DAB1: variants seen among roughly 807,000 people sequenced by gnomAD.
The protein encoded by DAB1 is disabled homolog 1.
DAB1 carries 15 observed loss-of-function variants against 64.6 expected under a neutral mutation model. That is an observed-to-expected ratio of 0.23 (90% CI 0.16 to 0.36). The LOEUF is 0.36. Among genes scored for constraint, DAB1 ranks in the 10% least tolerant of loss-of-function variants. The pLI is 1.00. For missense variants in DAB1, 596 were observed against 706.7 expected, an observed-to-expected ratio of 0.84 and a Z score of 1.78; for synonymous variants, 235 against 251.9, an observed-to-expected ratio of 0.93 and a Z score of 0.64.
intron 5 of DAB1, among the ~76,000 whole-genome samples, chr1:58,043,656 A>G (rs1334589288): frequency 6.6e-6 from 1 of 152,138 alleles, no homozygotes; most frequent in Non-Finnish European, 1.5e-5. Context: ...TTCTTTTCTC[A>G]TCTATAAAAT....
intron 3 of DAB1, among the ~76,000 whole-genome samples, chr1:58,458,007 T>C (rs572429591): frequency 6.6e-6 from 1 of 152,348 alleles, no homozygotes; most frequent in South Asian, 2.1e-4. Flanking sequence ...AGTAACTCAT[T>C]TATGTCAGGC....
intron 6 of DAB1, among the ~76,000 whole-genome samples, chr1:57,695,628 G>A (rs1241921812): frequency 3.3e-5 from 5 of 152,120 alleles, no homozygotes; most frequent in African/African-American, 4.8e-5. Flanking sequence ...AGCCGGGAGC[G>A]GTGGCTCACA....
chr1:57,141,849 A>T (rs1658615319), intron 3 of DAB1, among the ~76,000 whole-genome samples: 1 of 152,140 alleles, frequency 6.6e-6, no homozygotes, highest in African/African-American at 2.4e-5. Context: ...ACCTCAATAA[A>T]TTAAACGCAA....
intron 3 of DAB1, among the ~76,000 whole-genome samples, chr1:58,359,699 G>GAGAGTGATGATAGCAAGGGGTA (rs1273932228): frequency 5.3e-5 from 8 of 152,088 alleles, no homozygotes; most frequent in Non-Finnish European, 1.2e-4. Context: ...AGCAAGGGGT[G>GAGAGTGATGATAGCAAGGGGTA]AGAGTGATAA....
intron 1 of DAB1, chr1:57,862,372 A>G (rs1569869375): frequency 6.6e-6 from 1 of 152,198 alleles, no homozygotes; most frequent in East Asian, 1.9e-4. Flanking sequence ...GCTATGAAGT[A>G]TTTAAAGTTA....
At chr1:58,531,784 A>T (rs1646438555) in intron 1 of DAB1, among the ~76,000 whole-genome samples, 1 of 151,880 alleles carries the variant, frequency 6.6e-6, no homozygotes, top group African/African-American at 2.4e-5. Flanking sequence ...GTCTCGACTC[A>T]CTGCAACCTC....
At chr1:57,247,018 G>A (rs1318421799) in intron 2 of DAB1, among the ~76,000 whole-genome samples, 1 of 152,190 alleles carries the variant, frequency 6.6e-6, no homozygotes, top group African/African-American at 2.4e-5. Flanking sequence ...AGAAGGACTT[G>A]TCTTTTCTCA....
chr1:57,373,799 G>T (rs191419385), intron 1 of DAB1, among the ~76,000 whole-genome samples: 5 of 152,102 alleles, frequency 3.3e-5, no homozygotes, highest in Non-Finnish European at 5.9e-5. Flanking sequence ...GAACATAATC[G>T]CCGGGTTCTT....
intron 7 of DAB1, among the ~76,000 whole-genome samples, chr1:57,513,745 A>T (rs551031708): frequency 2.6e-5 from 4 of 152,188 alleles, no homozygotes; most frequent in Admixed American, 6.5e-5. Context: ...GTATGTTGTT[A>T]TTAACTACAG....
chr1:58,221,694 C>A (rs934861703), intron 4 of DAB1, among the ~76,000 whole-genome samples: 1 of 152,240 alleles, frequency 6.6e-6, no homozygotes, highest in East Asian at 1.9e-4. Context: ...CCGAAGGTCA[C>A]TGGCATAGTG....
intron 1 of DAB1, chr1:57,865,136 C>T (rs989394421): frequency 6.6e-6 from 1 of 152,110 alleles, no homozygotes; most frequent in African/African-American, 2.4e-5. Flanking sequence ...TGTCTCCTTC[C>T]AGGGAGTAGA....
At chr1:58,194,757 G>A (rs376186202) in intron 4 of DAB1, among the ~76,000 whole-genome samples, 4 of 152,036 alleles carry the variant, frequency 2.6e-5, no homozygotes, top group African/African-American at 7.2e-5. Flanking sequence ...CTTTCTCAAC[G>A]TTCCATGGTG....
intron 6 of DAB1, among the ~76,000 whole-genome samples, chr1:57,692,762 G>A (rs1174701620): frequency 2.0e-5 from 3 of 152,088 alleles, no homozygotes; most frequent in East Asian, 3.9e-4. Flanking sequence ...CACCAAAACC[G>A]TGGAGGCCTA....
chr1:57,302,921 G>C (rs1296837560), intron 1 of DAB1, among the ~76,000 whole-genome samples: 3 of 152,144 alleles, frequency 2.0e-5, no homozygotes, highest in Non-Finnish European at 4.4e-5. Flanking sequence ...GCCTGAATTT[G>C]TTCACTGCAA....
chr1:57,786,813 T>C (rs1650358776), intron 6 of DAB1, among the ~76,000 whole-genome samples: 1 of 152,186 alleles, frequency 6.6e-6, no homozygotes. Flanking sequence ...TAGCTCTATC[T>C]GAGCAAAGTT....
chr1:58,453,714 G>A (rs2100298781), intron 3 of DAB1, among the ~76,000 whole-genome samples: 1 of 152,170 alleles, frequency 6.6e-6, no homozygotes, highest in Non-Finnish European at 1.5e-5. Context: ...GCTACCTCGG[G>A]TTCTGTTTCC....
chr1:58,102,760 GGTAA>G (rs2100634909), intron 5 of DAB1, among the ~76,000 whole-genome samples: 2 of 152,258 alleles, frequency 1.3e-5, no homozygotes, highest in East Asian at 3.9e-4. Context: ...TGAAAAGCTT[GGTAA>G]GTATCATTCA....
intron 6 of DAB1, among the ~76,000 whole-genome samples, chr1:57,674,126 T>TG (rs1212829313): frequency 6.6e-6 from 1 of 152,172 alleles, no homozygotes; most frequent in Non-Finnish European, 1.5e-5. Flanking sequence ...ATGTGTGTGT[T>TG]GGGGGTGGAA....
intron 9 of DAB1, among the ~76,000 whole-genome samples, chr1:57,028,422 A>C (rs761144817): frequency 2.0e-5 from 3 of 152,190 alleles, no homozygotes; most frequent in Non-Finnish European, 2.9e-5. Context: ...CAGCAGCATG[A>C]AAATGGACTA....
Sources: allele counts gnomAD v4.1 joint callset (sites outside exome capture counted in the v4.1 genomes callset), GRCh38; gene constraint gnomAD v4.1.1; transcripts MANE v1.5; gene names NCBI Gene and HGNC (gene_info 2026-07-23, HGNC 2026-07-21).